Variants in PRR12 observed in about 807,000 individuals in gnomAD.
The protein encoded by PRR12 is proline rich 12.
A neutral mutation model predicts 138.0 loss-of-function variants in PRR12; 12 were observed. The ratio of observed to expected loss-of-function variants is 0.09; its 90% confidence interval spans 0.06 to 0.14. The LOEUF (loss-of-function observed/expected upper bound fraction) is 0.14. Ranked by LOEUF, PRR12 falls within the 10% of genes least tolerant of loss-of-function variation. The pLI, the probability that PRR12 is intolerant of heterozygous loss-of-function variation, is 1.00. For synonymous variants in PRR12, 1,567 were observed against 1,291.7 expected (o/e 1.21, Z -4.57); for missense variants, 2,692 against 2,861.3 (o/e 0.94, Z 1.35).
chr19:49,595,789 G>A lies in PRR12; in HGVS notation c.1454G>A (p.Gly485Asp). ...YSGGPPQPPS[G>D]PPPPGLATCQ... ...GGGGGCCCCCCACAGCCCCCCAGCGGCCCCCCTCCTCCTGGCCTGGCCACA... is the reference window on the plus strand; with the variant it reads ...GGGGGCCCCCCACAGCCCCCCAGCGACCCCCCTCCTCCTGGCCTGGCCACA... Residue 485 changes from glycine to aspartate, a missense_variant, in exon 4 of 14, where the codon GGC becomes GAC. Transcript: ENST00000418929. 2 of 1,598,368 alleles carry A rather than the reference G, an allele frequency of 1.3e-6. No homozygotes were observed. Among genetic ancestry groups the A allele is most frequent in the Non-Finnish European group, 1.7e-6 (2 of 1,174,126 alleles).
intron 11 of PRR12, among the ~76,000 whole-genome samples, chr19:49,622,646 G>T (rs2080929331): frequency 6.7e-6 from 1 of 148,590 alleles, no homozygotes; most frequent in South Asian, 2.1e-4. Flanking sequence ...AATCCCAGCA[G>T]TTTGGGAGGC....
chr19:49,618,324 G>A (rs546037251), intron 9 of PRR12, among the ~76,000 whole-genome samples: 59 of 151,426 alleles, frequency 3.9e-4, no homozygotes, highest in African/African-American at 1.1e-3. Context: ...TTAGGGACCG[G>A]ACCTCTGGCT....
rs913705867 is a variant in PRR12, at chr19:49,600,071, G to T, written c.4345+133G>T. 17 of 1,040,998 alleles carry T rather than the reference G, an allele frequency of 1.6e-5. No homozygotes were observed. In the African/African-American group the frequency reaches 2.1e-4, roughly 13 times the overall value. 64.5% of individuals were successfully genotyped at this position (1,040,998 alleles called of 1,614,324 possible). On this transcript the variant is annotated intron_variant, in intron 5 of 13. Coordinates refer to ENST00000418929, the MANE Select transcript of PRR12 (RefSeq NM_020719.3). ...GGTGTAAGCTTGCGTGTTTATGAAG[G>T]GACTTTCCTGATTACACAAGCATTT...
Position 49,599,878 on chromosome 19 carries a change from G to A in PRR12, c.4285G>A (p.Ala1429Thr), listed in dbSNP as rs768627559. 1.8e-5 allele frequency: 29 copies of A among 1,612,656 alleles called. No individual in the cohort carries two copies. In the East Asian group the frequency reaches 5.8e-4, roughly 32 times the overall value. The change falls in exon 5 of 14, where the codon GCA becomes ACA. Residue 1429 changes from alanine (A) to threonine (T), a missense_variant. Around this residue, in one of 11 missense-constraint regions of PRR12, gnomAD observed 231 missense variants for 200.8 expected, o/e 1.15. Coordinates refer to ENST00000418929, the MANE Select transcript of PRR12 (RefSeq NM_020719.3). This position sits in a 1 kb window ranked among gnomAD's most constrained non-coding sequence, Gnocchi z 5.0. ...PDGPPLAPAA[A>T]VPGPPPLPGL... ...TGGGCCGCCCTTGGCCCCCGCGGCT[G>A]CAGTTCCAGGGCCACCCCCTCTTCC... is the stretch of plus-strand genomic sequence containing the variant.
rs1331733702 is a variant in PRR12, at chr19:49,596,882, G to C, written c.2547G>C (p.Gln849His). 6.7e-7 allele frequency: 1 copy of C among 1,487,958 alleles called. No homozygotes were observed. The highest frequency in any genetic ancestry group is 1.2e-5 in the South Asian group (1 of 85,174). 92.2% of individuals were successfully genotyped at this position (1,487,958 alleles called of 1,614,324 possible). ...CGCCTCCACCACCCATGCCCCTGCA[G>C]CTCGAGGCCCACCTCCGCAGCCATG... is the stretch of plus-strand genomic sequence containing the variant. ...PPPPPPPMPL[Q>H]LEAHLRSHGL... is the part of the protein sequence containing the mutation. The change falls in exon 4 of 14, where the codon CAG becomes CAC. Residue 849 changes from glutamine (Q) to histidine (H), a missense_variant. Gln to His is a conservative substitution (Grantham distance 24). This residue lies in a region of PRR12 where 840 missense variants were observed against 689.8 expected (regional missense o/e 1.22). Coordinates refer to ENST00000418929, the MANE Select transcript of PRR12 (RefSeq NM_020719.3). This position sits in a 1 kb window ranked among gnomAD's most constrained non-coding sequence, Gnocchi z 5.6.
chr19:49,595,589 G>C lies in PRR12; in HGVS notation c.1254G>C (p.Gln418His), dbSNP rs1489967786. ...GTTCGACCGCCACCCCCAAATGTCA[G>C]AGCCTGGGTGGGCCAGCAGCCGCCT... ...PPRSTATPKC[Q>H]SLGGPAAAYA... Residue 418 changes from glutamine (Q) to histidine (H), a missense_variant, in exon 4 of 14, where the codon CAG (glutamine) becomes CAC (histidine). Around this residue, in one of 11 missense-constraint regions of PRR12, gnomAD observed 523 missense variants for 496.4 expected, o/e 1.05. Transcript: ENST00000418929. The C allele has an allele frequency of 1.9e-6, 3 of 1,605,750 alleles. No individual in the cohort carries two copies. Among genetic ancestry groups the C allele is most frequent in the East Asian group, 2.2e-5 (1 of 44,716 alleles).
intron 11 of PRR12, 77 bp from the exon 12 acceptor site, chr19:49,624,767 A>C: frequency 6.4e-7 from 1 of 1,552,622 alleles, no homozygotes; most frequent in South Asian, 1.2e-5. Context: ...ACTGAGGCAC[A>C]GATCTGAGAC....
At chr19:49,611,387 A>G (rs1195070560) in intron 6 of PRR12, among the ~76,000 whole-genome samples, 1 of 151,082 alleles carries the variant, frequency 6.6e-6, no homozygotes, top group Non-Finnish European at 1.5e-5. Flanking sequence ...TTGTAATCTC[A>G]GCACTTTGGG....
Position 49,594,457 on chromosome 19 carries a change from T to G in PRR12, c.203T>G (p.Leu68Arg), listed in dbSNP as rs1434012572. Reference sequence around the variant, plus strand: ...TATAACCCCTGTCCCCGGCCAGGCCTCTCTGGACTCTTCGACACTGGCCTC... The same window carrying G: ...TATAACCCCTGTCCCCGGCCAGGCCGCTCTGGACTCTTCGACACTGGCCTC... ...SYATNHHPAG[L>R]SGLFDTGLHH... The change falls in exon 3 of 14, where the codon CTC becomes CGC. Residue 68 changes from leucine to arginine, a missense_variant. By Grantham distance (102) the Leu-to-Arg change is moderately radical. Coordinates refer to ENST00000418929, the MANE Select transcript of PRR12 (RefSeq NM_020719.3). The surrounding 1 kb of genome is among the most constrained non-coding windows in gnomAD (Gnocchi z 5.6). 1.3e-6 allele frequency: 2 copies of G among 1,599,862 alleles called. No homozygotes were observed. The highest frequency in any genetic ancestry group is 1.7e-6 in the Non-Finnish European group (2 of 1,173,460).
In PRR12 at chr19:49,601,496, C is replaced by G. The variant is rs1025261879; in HGVS notation, c.4351C>G (p.Pro1451Ala). Residue 1451 changes from proline to alanine, a missense_variant, in exon 6 of 14, where the codon CCG becomes GCG. By Grantham distance (27) the Pro-to-Ala change is conservative (BLOSUM62 -1). This residue lies in a region of PRR12 where 231 missense variants were observed against 200.8 expected (regional missense o/e 1.15). Transcript: ENST00000418929. ...GATGTCCCTGTCTCCCCCAGAGCCC[C>G]CGCTGCTGGAGGAGAAACCCCCACC... is the stretch of plus-strand genomic sequence containing the variant. The part of the protein sequence containing the change: ...SANSNGTPEP[P>A]LLEEKPPPTP... 6.7e-7 allele frequency: 1 copy of G among 1,495,602 alleles called. No individual in the cohort carries two copies. The highest frequency in any genetic ancestry group is 1.4e-5 in the African/African-American group (1 of 71,738). 92.6% of individuals were successfully genotyped at this position (1,495,602 alleles called of 1,614,324 possible).
chr19:49,597,332 G>C lies in PRR12; in HGVS notation c.2997G>C (p.Ser999=), dbSNP rs1183822577. The change falls in exon 4 of 14, where the codon TCG becomes TCC. Residue 999 remains serine, a synonymous_variant. Transcript: ENST00000418929. This position sits in a 1 kb window ranked among gnomAD's most constrained non-coding sequence, Gnocchi z 6.3. ...GGCCCTACTGTCCTGGCCGGGCGTC[G>C]GGAGCCGGGCCCGAGACACCGGGCC... ...PYGPYCPGRA[S]GAGPETPGLG... is the part of the protein sequence containing the mutation. The C allele has an allele frequency of 1.9e-6, 3 of 1,543,892 alleles. No individual in the cohort carries two copies. The highest frequency in any genetic ancestry group is 1.9e-5 in the Admixed American group (1 of 51,432).
chr19:49,614,668 C>G lies in PRR12; in HGVS notation c.4890+19C>G. On this transcript the variant is annotated intron_variant, in intron 7 of 13. Coordinates refer to ENST00000418929, the MANE Select transcript of PRR12 (RefSeq NM_020719.3). The surrounding 1 kb of genome is among the most constrained non-coding windows in gnomAD (Gnocchi z 5.0). ...CAGTAATGTAAGCCTGCAAAGGGGACCAAGGACTTGGGGGCCCCGGGGCGT... is the reference window on the plus strand; with the variant it reads ...CAGTAATGTAAGCCTGCAAAGGGGAGCAAGGACTTGGGGGCCCCGGGGCGT... 6.5e-7 allele frequency: 1 copy of G among 1,550,036 alleles called. No individual in the cohort carries two copies. Among genetic ancestry groups the G allele is most frequent in the Non-Finnish European group, 8.7e-7 (1 of 1,145,660 alleles).
In PRR12 at chr19:49,595,102, C is replaced by T. The variant is rs772968052; in HGVS notation, c.767C>T (p.Ala256Val). The change falls in exon 4 of 14, where the codon GCC becomes GTC. Residue 256 changes from alanine (A) to valine (V), a missense_variant. Physicochemically the swap from Ala to Val is moderately conservative, Grantham distance 64. Around this residue, in one of 11 missense-constraint regions of PRR12, gnomAD observed 523 missense variants for 496.4 expected, o/e 1.05. Coordinates refer to ENST00000418929, the MANE Select transcript of PRR12 (RefSeq NM_020719.3). The stretch of plus-strand genomic sequence containing the variant: ...CTGGCTTCCTCTTCCGCTGCCGCCG[C>T]CGCTGCCGAGCAGTCCTCCCCACAG... ...NLLASSSAAAAAAEQSSPQLY... is the reference protein window; with the variant it reads ...NLLASSSAAAVAAEQSSPQLY... 6.2e-7 allele frequency: 1 copy of T among 1,612,160 alleles called. No homozygotes were observed. The highest frequency in any genetic ancestry group is 1.1e-5 in the South Asian group (1 of 91,078).
intron 11 of PRR12, among the ~76,000 whole-genome samples, chr19:49,624,362 T>C (rs2080942864): frequency 6.7e-6 from 1 of 148,684 alleles, no homozygotes; most frequent in Non-Finnish European, 1.5e-5. Context: ...AATTCTGGGA[T>C]AGGTGGTTAG....
At position 49,594,878 on chromosome 19, in the gene PRR12, G is replaced by T. The variant is rs1368914968; in HGVS notation, c.543G>T (p.Gly181=). The T allele has an allele frequency of 6.2e-7, 1 of 1,611,202 alleles. No homozygotes were observed. The highest frequency in any genetic ancestry group is 8.5e-7 in the Non-Finnish European group (1 of 1,178,998). The change falls in exon 4 of 14, where the codon GGG becomes GGT. Residue 181 remains glycine (G), a synonymous_variant. Transcript: ENST00000418929. This position sits in a 1 kb window ranked among gnomAD's most constrained non-coding sequence, Gnocchi z 5.6. ...QDPPFSPPAN[G]LLSPHDVLHL... ...CCCCATTCAGCCCTCCAGCTAACGG[G>T]CTCCTGTCCCCTCATGACGTGCTGC...
In PRR12 at chr19:49,591,452, T is replaced by G. The variant is rs1599781389; in HGVS notation, c.-203T>G. On this transcript the variant is annotated 5_prime_UTR_variant, in exon 1 of 14. Transcript: ENST00000418929. Reference sequence around the variant, plus strand: ...TGGCTCAGCGACTGCACCCCCTCCCTTGCCCGCCCCTCCGCCCCTGCCCCC... The same window carrying G: ...TGGCTCAGCGACTGCACCCCCTCCCGTGCCCGCCCCTCCGCCCCTGCCCCC... 4.5e-5 allele frequency among the ~76,000 whole-genome samples: 3 copies of G among 66,190 alleles called. No homozygotes were observed. Among genetic ancestry groups the G allele is most frequent in the South Asian group, 4.8e-4 (1 of 2,090 alleles). 43.4% of individuals were successfully genotyped at this position (66,190 alleles called of 152,430 possible).
chr19:49,596,223 G>A lies in PRR12; in HGVS notation c.1888G>A (p.Gly630Arg). The part of the protein sequence containing the change: ...DGSELLAGPG[G>R]PPAERTEDEE... ...CTCGGAGCTGCTGGCGGGCCCAGGT[G>A]GGCCTCCTGCGGAGCGCACAGAGGA... The change falls in exon 4 of 14, where the codon GGG becomes AGG. Residue 630 changes from glycine (G) to arginine (R), a missense_variant. Physicochemically the swap from Gly to Arg is moderately radical, Grantham distance 125. Around this residue, in one of 11 missense-constraint regions of PRR12, gnomAD observed 840 missense variants for 689.8 expected, o/e 1.22. Transcript: ENST00000418929. The surrounding 1 kb of genome is among the most constrained non-coding windows in gnomAD (Gnocchi z 5.6). 6.2e-7 allele frequency: 1 copy of A among 1,610,802 alleles called. No individual in the cohort carries two copies. Among genetic ancestry groups the A allele is most frequent in the Admixed American group, 1.7e-5 (1 of 59,940 alleles).
intron 6 of PRR12, among the ~76,000 whole-genome samples, chr19:49,603,645 C>T (rs573674941): frequency 1.3e-5 from 2 of 152,184 alleles, no homozygotes; most frequent in African/African-American, 4.8e-5. Flanking sequence ...TTGCAGTGAG[C>T]TGAGATTGTG....
Position 49,614,716 on chromosome 19 carries a change from C to G in PRR12, c.4890+67C>G. Reference sequence around the variant, plus strand: ...CGTGGTATCTAGGAGCTGGGGTTCCCCTTAGTGTGGCTGTGACTCACTCCA... The same window carrying G: ...CGTGGTATCTAGGAGCTGGGGTTCCGCTTAGTGTGGCTGTGACTCACTCCA... On this transcript the variant is annotated intron_variant, in intron 7 of 13. Transcript: ENST00000418929. This position sits in a 1 kb window ranked among gnomAD's most constrained non-coding sequence, Gnocchi z 5.0. The G allele has an allele frequency of 6.7e-7, 1 of 1,490,288 alleles. No homozygotes were observed. Among genetic ancestry groups the G allele is most frequent in the South Asian group, 1.2e-5 (1 of 80,880 alleles). The allele number at this position is 1,490,288 out of a possible 1,614,324, so 92.3% of individuals were successfully genotyped here. A position where few individuals can be genotyped will look rare whatever the true frequency, so the allele number is the denominator to read the frequency against.
Sources: gnomAD v4.1 joint callset for allele counts (sites outside exome capture counted in the v4.1 genomes callset) on GRCh38, gnomAD v4.1.1 for gene constraint, gnomAD v4.1.1 regional missense constraint, Gnocchi (gnomAD v3.1) non-coding constraint, MANE v1.5 for transcripts, NCBI Gene and HGNC (gene_info 2026-07-23, HGNC 2026-07-21) for gene names.